Variants in NBEA observed in about 807,000 individuals in gnomAD.
NBEA encodes neurobeachin, also known as lysosomal-trafficking regulator 2.
NBEA carries 44 observed loss-of-function variants against 343.4 expected under a neutral mutation model. The ratio of observed to expected loss-of-function variants is 0.13; its 90% CI spans 0.10 to 0.16. The LOEUF is 0.16. Among genes scored for constraint, NBEA ranks in the 10% least tolerant of loss-of-function variants. The pLI is 1.00. For missense variants in NBEA, 2,555 were observed against 3,631.3 expected, an observed-to-expected ratio of 0.70 and a Z score of 7.62; for synonymous variants, 1,175 against 1,238.7, an observed-to-expected ratio of 0.95 and a Z score of 1.08.
chr13:35,258,899 T>C (rs2032933312), intron 34 of NBEA, among the ~76,000 whole-genome samples: 1 of 152,206 alleles, frequency 6.6e-6, no homozygotes, highest in South Asian at 2.1e-4. Flanking sequence ...GTAGGATTTG[T>C]GTTAGATGAT....
At chr13:35,624,483 A>C (rs982032009) in intron 48 of NBEA, among the ~76,000 whole-genome samples, 8 of 152,150 alleles carry the variant, frequency 5.3e-5, no homozygotes, top group Admixed American at 2.0e-4. Flanking sequence ...ACCTAGTGTC[A>C]GTGTTCACAA....
At chr13:35,038,096 T>C (rs2062515879) in intron 1 of NBEA, among the ~76,000 whole-genome samples, 1 of 152,092 alleles carries the variant, frequency 6.6e-6, no homozygotes, top group Admixed American at 6.5e-5. Context: ...CTTTTCCACT[T>C]TTCCCCTTTT....
At chr13:35,260,445 A>C (rs2033105418) in intron 34 of NBEA, among the ~76,000 whole-genome samples, 1 of 152,240 alleles carries the variant, frequency 6.6e-6, no homozygotes, top group Non-Finnish European at 1.5e-5. Context: ...ACTGTGAACC[A>C]TGAGAGAACA....
At chr13:35,587,013 G>A (rs924633220) in intron 46 of NBEA, among the ~76,000 whole-genome samples, 4 of 151,810 alleles carry the variant, frequency 2.6e-5, no homozygotes, top group African/African-American at 9.7e-5. Context: ...AGTCAGACAA[G>A]AATACAAAAA....
intron 36 of NBEA, among the ~76,000 whole-genome samples, chr13:35,324,819 G>A (rs1175072294): frequency 6.6e-6 from 1 of 152,052 alleles, no homozygotes; most frequent in Non-Finnish European, 1.5e-5. Context: ...GATTGCAGAA[G>A]GTTTCTTTTG....
chr13:35,475,754 G>C, intron 41 of NBEA: 1 of 1,613,894 alleles, frequency 6.2e-7, no homozygotes, highest in Non-Finnish European at 8.5e-7. Context: ...AACCTGGACC[G>C]GATTTTGCGC....
At chr13:35,277,350 G>A (rs192467721) in intron 34 of NBEA, among the ~76,000 whole-genome samples, 6 of 152,082 alleles carry the variant, frequency 3.9e-5, no homozygotes, top group Non-Finnish European at 5.9e-5. Flanking sequence ...GGCCGGGCGC[G>A]GTGGCTCACT....
Position 35,173,562 on chromosome 13 carries a change from C to T in NBEA, c.4522C>T (p.Pro1508Ser), listed in dbSNP as rs1204202473. The T allele has an allele frequency of 1.2e-6, 2 of 1,611,532 alleles. No individual in the cohort carries two copies. The highest frequency in any genetic ancestry group is 1.7e-6 in the Non-Finnish European group (2 of 1,178,462). ...SHGSSKPQEV[P>S]QSVTATAASK... ...TGGAAGCAGTAAACCTCAGGAAGTTCCTCAAAGTGTGACTGCTACAGCAGC... is the reference window on the plus strand; with the variant it reads ...TGGAAGCAGTAAACCTCAGGAAGTTTCTCAAAGTGTGACTGCTACAGCAGC... Residue 1508 changes from proline to serine, a missense_variant, in exon 27 of 59, where the codon CCT becomes TCT. Coordinates refer to ENST00000379939, the MANE Select transcript of NBEA (RefSeq NM_001385012.1).
At chr13:35,148,828 G>A (rs1437641554) in intron 18 of NBEA, among the ~76,000 whole-genome samples, 4 of 152,140 alleles carry the variant, frequency 2.6e-5, no homozygotes, top group Non-Finnish European at 5.9e-5. Flanking sequence ...ACTCAAATCT[G>A]TTGTAGCTCA....
chr13:35,019,880 T>C (rs1328180334), intron 1 of NBEA, among the ~76,000 whole-genome samples: 1 of 152,184 alleles, frequency 6.6e-6, no homozygotes, highest in Non-Finnish European at 1.5e-5. Flanking sequence ...TAATTTATAT[T>C]GGTTCTCTTT....
chr13:35,167,373 T>C (rs2070119486), intron 24 of NBEA, among the ~76,000 whole-genome samples: 1 of 151,930 alleles, frequency 6.6e-6, no homozygotes, highest in Admixed American at 6.6e-5. Flanking sequence ...AGTATCATCA[T>C]CATGGAAGAA....
At chr13:35,101,846 A>ATC (rs2065662273) in intron 11 of NBEA, among the ~76,000 whole-genome samples, 2 of 151,828 alleles carry the variant, frequency 1.3e-5, no homozygotes, top group Non-Finnish European at 3.0e-5. Flanking sequence ...ACTGCAAATT[A>ATC]TCTCTTCTTC....
intron 41 of NBEA, among the ~76,000 whole-genome samples, chr13:35,477,955 T>G (rs2075951000): frequency 6.6e-6 from 1 of 152,188 alleles, no homozygotes; most frequent in Non-Finnish European, 1.5e-5. Context: ...TACTACTTAG[T>G]GGTTACGTTG....
chr13:35,432,795 C>T (rs1419930115), intron 39 of NBEA, among the ~76,000 whole-genome samples: 3 of 151,534 alleles, frequency 2.0e-5, no homozygotes, highest in Non-Finnish European at 4.4e-5. Flanking sequence ...TTTCTGTGTA[C>T]ATACTTATAT....
In NBEA at chr13:35,555,092, T is replaced by C; in HGVS notation, c.6912T>C (p.Asn2304=). The change falls in exon 44 of 59, where the codon AAT becomes AAC. Residue 2304 remains asparagine, a synonymous_variant. Coordinates refer to ENST00000379939, the MANE Select transcript of NBEA (RefSeq NM_001385012.1). ...ACTTCGAATATTTGATGTTCCTTAA[T>C]ACTATTGCAGGTAAGATGTCTCATT... ...ISNFEYLMFL[N]TIAGRTYNDL... 1 of 1,576,822 alleles carries C rather than the reference T, an allele frequency of 6.3e-7. No homozygotes were observed. The highest frequency in any genetic ancestry group is 1.1e-5 in the South Asian group (1 of 89,514).
intron 38 of NBEA, among the ~76,000 whole-genome samples, chr13:35,418,407 A>G (rs753557944): frequency 6.6e-5 from 10 of 152,092 alleles, no homozygotes; most frequent in Non-Finnish European, 1.3e-4. Flanking sequence ...TAGCTAAATA[A>G]ACAGAAGAAA....
chr13:35,179,119 C>T (rs1219962279), intron 28 of NBEA, among the ~76,000 whole-genome samples: 2 of 151,512 alleles, frequency 1.3e-5, no homozygotes, highest in Non-Finnish European at 3.0e-5. Context: ...GTGGTTGTAT[C>T]TGTGAAATAT....
chr13:35,426,505 C>T (rs1283615545), intron 38 of NBEA, among the ~76,000 whole-genome samples: 2 of 152,148 alleles, frequency 1.3e-5, no homozygotes, highest in Non-Finnish European at 2.9e-5. Context: ...GAGTTTCTGC[C>T]AAGAGATCAG....
chr13:35,618,732 A>G (rs2082847436), intron 48 of NBEA, among the ~76,000 whole-genome samples: 1 of 152,250 alleles, frequency 6.6e-6, no homozygotes. Flanking sequence ...TAACCTGATT[A>G]TAATCTGACC....
Sources: gnomAD v4.1 joint callset for allele counts (sites outside exome capture counted in the v4.1 genomes callset) on GRCh38, gnomAD v4.1.1 for gene constraint, MANE v1.5 for transcripts, NCBI Gene and HGNC (gene_info 2026-07-23, HGNC 2026-07-21) for gene names.